Variants in BEGAIN observed in about 807,000 individuals in gnomAD.
BEGAIN encodes brain enriched guanylate kinase associated.
BEGAIN carries 19 observed loss-of-function variants against 35.8 expected under a neutral mutation model. The ratio of observed to expected loss-of-function variants is 0.53; its 90% CI spans 0.37 to 0.78. The LOEUF (loss-of-function observed/expected upper bound fraction) is 0.78, where lower values mean the gene tolerates loss of function less well. Ranked by LOEUF, BEGAIN falls within the 30% of genes least tolerant of loss-of-function variation. BEGAIN has a pLI of 0.00. For missense variants in BEGAIN, 795 were observed against 853.6 expected (o/e 0.93, Z 0.85); for synonymous variants, 462 against 388.6 (o/e 1.19, Z -2.22).
At chr14:100,566,575 A>G (rs530674274) in intron 2 of BEGAIN, among the ~76,000 whole-genome samples, 20 of 152,274 alleles carry the variant, frequency 1.3e-4, no homozygotes, top group Admixed American at 1.0e-3. Flanking sequence ...GCACCAGGGA[A>G]GGGCCCTGGC....
intron 2 of BEGAIN, chr14:100,550,286 C>T (rs1255989219): frequency 1.3e-5 from 5 of 396,406 alleles, no homozygotes; most frequent in Non-Finnish European, 1.8e-5. Flanking sequence ...GAGGCTGTGC[C>T]GCCGGCCCAC....
intron 1 of BEGAIN, among the ~76,000 whole-genome samples, chr14:100,580,728 G>A (rs377285194): frequency 1.9e-4 from 29 of 152,268 alleles, no homozygotes; most frequent in African/African-American, 5.8e-4. Context: ...GTGTCCCCCC[G>A]TAGAATGTAA....
chr14:100,584,671 G>A (rs2035395829), intron 1 of BEGAIN, among the ~76,000 whole-genome samples: 1 of 152,166 alleles, frequency 6.6e-6, no homozygotes, highest in Non-Finnish European at 1.5e-5. Flanking sequence ...TCTGATGCCT[G>A]CTCTCAGGCC....
In BEGAIN at chr14:100,573,667, T is replaced by C. The variant is rs1361219320; in HGVS notation, c.43-5728A>G. Among the ~76,000 whole-genome samples, 1 of 151,970 alleles carries C rather than the reference T, an allele frequency of 6.6e-6. No individual in the cohort carries two copies. The highest frequency in any genetic ancestry group is 1.5e-5 in the Non-Finnish European group (1 of 67,972). ...AGGTGACAGAAGCATTGTGACCTCA[T>C]GTTGAGCAGGGGAACATGGGGAATT... On this transcript the variant is annotated intron_variant, in intron 1 of 6. Coordinates refer to ENST00000554140, the MANE Select transcript of BEGAIN (RefSeq NM_001385089.1). This position sits in a 1 kb window ranked among gnomAD's most constrained non-coding sequence, Gnocchi z 4.2.
At chr14:100,565,344 C>T (rs900111977) in intron 2 of BEGAIN, among the ~76,000 whole-genome samples, 4 of 152,164 alleles carry the variant, frequency 2.6e-5, no homozygotes, top group Non-Finnish European at 5.9e-5. Flanking sequence ...GTGGGGAACT[C>T]GGAAGCAGGG....
Position 100,537,887 on chromosome 14 carries a change from G to A in BEGAIN, c.*82C>T, listed in dbSNP as rs2030797103. ...TTGGCCGGGGCAGGGGAACAGCGGG[G>A]GCTGGGGAGAGGTGAGGCCGGCCCT... On this transcript the variant is annotated 3_prime_UTR_variant, in exon 7 of 7. Transcript: ENST00000554140. 9.4e-6 allele frequency: 14 copies of A among 1,489,992 alleles called. No homozygotes were observed. Among genetic ancestry groups the A allele is most frequent in the Non-Finnish European group, 1.1e-5 (12 of 1,118,200 alleles). The allele number at this position is 1,489,992 out of a possible 1,614,324, so 92.3% of individuals were successfully genotyped here. A position where few individuals can be genotyped will look rare whatever the true frequency, so the allele number is the denominator to read the frequency against.
At chr14:100,539,741 A>G (rs1303358070) in intron 6 of BEGAIN, among the ~76,000 whole-genome samples, 1 of 147,168 alleles carries the variant, frequency 6.8e-6, no homozygotes, top group Non-Finnish European at 1.5e-5. Context: ...TACTGGGGGC[A>G]TGACCCACTC....
rs2035467767 is a variant in BEGAIN, at chr14:100,587,306, G to A, written c.-16C>T. The A allele has an allele frequency of 1.3e-5, 2 of 154,260 alleles. No individual in the cohort carries two copies. Among genetic ancestry groups the A allele is most frequent in the Non-Finnish European group, 2.8e-5 (2 of 71,498 alleles). 9.6% of individuals were successfully genotyped at this position (154,260 alleles called of 1,614,324 possible). On this transcript the variant is annotated 5_prime_UTR_variant, in exon 1 of 7. Transcript: ENST00000554140. ...CAGTCCACATGGCCCCAGGGCAGCC[G>A]CGCCGCTCACCGCCGCCGCCGCTAC...
chr14:100,550,405 C>A (rs1056377571), intron 2 of BEGAIN: 2 of 398,960 alleles, frequency 5.0e-6, no homozygotes, highest in African/African-American at 2.1e-5. Flanking sequence ...CCGGGGGAGA[C>A]AACAGGTATG....
chr14:100,574,553 A>C (rs2035162609), intron 1 of BEGAIN, among the ~76,000 whole-genome samples: 1 of 150,152 alleles, frequency 6.7e-6, no homozygotes, highest in African/African-American at 2.5e-5. Flanking sequence ...CATTTGAGCC[A>C]ACATTTAAAA....
rs1056866973 is a variant in BEGAIN, at chr14:100,568,954, G to T, written c.43-1015C>A. 2.0e-6 allele frequency: 2 copies of T among 983,308 alleles called. No individual in the cohort carries two copies. Among genetic ancestry groups the T allele is most frequent in the Non-Finnish European group, 2.4e-6 (2 of 829,324 alleles). The allele number at this position is 983,308 out of a possible 1,614,324, so 60.9% of individuals were successfully genotyped here. Reference sequence around the variant, plus strand: ...CCCTCGCGCCGGGCGCCGCCGCCGCGTCCGCCGGGAGCGCGCTCCGCTCGG... The same window carrying T: ...CCCTCGCGCCGGGCGCCGCCGCCGCTTCCGCCGGGAGCGCGCTCCGCTCGG... On this transcript the variant is annotated intron_variant, in intron 1 of 6. Coordinates refer to ENST00000554140, the MANE Select transcript of BEGAIN (RefSeq NM_001385089.1). The surrounding 1 kb of genome is among the most constrained non-coding windows in gnomAD (Gnocchi z 7.5).
At chr14:100,559,951 C>T (rs1404642656) in intron 2 of BEGAIN, among the ~76,000 whole-genome samples, 2 of 152,214 alleles carry the variant, frequency 1.3e-5, no homozygotes, top group Non-Finnish European at 2.9e-5. Flanking sequence ...GTGGCATCTG[C>T]CCTCCCTCCC....
intron 2 of BEGAIN, among the ~76,000 whole-genome samples, chr14:100,560,862 G>A (rs1353300397): frequency 6.6e-6 from 1 of 152,204 alleles, no homozygotes; most frequent in Non-Finnish European, 1.5e-5. Context: ...ACAGACACGA[G>A]CTGCCCTCGA....
intron 1 of BEGAIN, among the ~76,000 whole-genome samples, chr14:100,570,706 C>T (rs1332540744): frequency 2.6e-5 from 4 of 152,218 alleles, no homozygotes; most frequent in Admixed American, 2.6e-4. Context: ...GGGAAGCTCC[C>T]CTGGCCGAGG....
At chr14:100,554,997 G>A (rs1039761621) in intron 2 of BEGAIN, among the ~76,000 whole-genome samples, 3 of 152,244 alleles carry the variant, frequency 2.0e-5, no homozygotes, top group Admixed American at 6.5e-5. Context: ...GGGGTCACAC[G>A]CTCACCCTCT....
intron 2 of BEGAIN, among the ~76,000 whole-genome samples, chr14:100,560,964 C>T (rs137921569): frequency 0.017 from 2,541 of 152,294 alleles, 73 homozygotes; most frequent in African/African-American, 0.058. Context: ...CTTTAAGAGA[C>T]AGGCAGTCCC....
At chr14:100,551,950 A>G (rs1337925583) in intron 2 of BEGAIN, among the ~76,000 whole-genome samples, 1 of 152,138 alleles carries the variant, frequency 6.6e-6, no homozygotes, top group Non-Finnish European at 1.5e-5. Context: ...ACCCTCAGCA[A>G]ATGACCCCGG....
rs993751886 is a variant in BEGAIN, at chr14:100,558,718, C to T, written c.71+9193G>A. 8.5e-5 allele frequency among the ~76,000 whole-genome samples: 13 copies of T among 152,216 alleles called. No individual in the cohort carries two copies. The highest frequency in any genetic ancestry group is 6.5e-4 in the Admixed American group (10 of 15,280). On this transcript the variant is annotated intron_variant, in intron 2 of 6. Transcript: ENST00000554140. The surrounding 1 kb of genome is among the most constrained non-coding windows in gnomAD (Gnocchi z 4.6). ...ATCCTTGACTCCTCTCTTTCTCTCC[C>T]CATCCTTCCCAGGGTATACCAGGAG...
Position 100,538,403 on chromosome 14 carries a change from C to G in BEGAIN, c.1405G>C (p.Gly469Arg). Residue 469 changes from glycine to arginine, a missense_variant, in exon 7 of 7, where the codon GGC becomes CGC. Around this residue, in one of 3 missense-constraint regions of BEGAIN, gnomAD observed 664 missense variants for 647.7 expected, o/e 1.03. Transcript: ENST00000554140. Reference protein sequence around the residue: ...SPCSFSERYYGGAGGSPGKKA... With the variant: ...SPCSFSERYYRGAGGSPGKKA... Reference sequence around the variant, plus strand: ...TTGCCCGGGCTGCCCCCGGCCCCGCCGTAGTAGCGTTCAGAGAAGCTGCAG... The same window carrying G: ...TTGCCCGGGCTGCCCCCGGCCCCGCGGTAGTAGCGTTCAGAGAAGCTGCAG... The G allele has an allele frequency of 6.4e-7, 1 of 1,564,076 alleles. No individual in the cohort carries two copies. Among genetic ancestry groups the G allele is most frequent in the South Asian group, 1.2e-5 (1 of 84,746 alleles).
Sources: allele counts gnomAD v4.1 joint callset (sites outside exome capture counted in the v4.1 genomes callset), GRCh38; gene constraint gnomAD v4.1.1; regional missense constraint gnomAD v4.1.1; non-coding constraint Gnocchi (gnomAD v3.1); transcripts MANE v1.5; gene names NCBI Gene and HGNC (gene_info 2026-07-23, HGNC 2026-07-21).